Variants in DLG5 observed in about 807,000 individuals in gnomAD.
DLG5 encodes discs large MAGUK scaffold protein 5, also known as disks large homolog 5.
Under a neutral mutation model 189.8 loss-of-function variants are expected in DLG5, and 48 were observed. The ratio of observed to expected loss-of-function variants is 0.25; its 90% CI spans 0.20 to 0.32. The LOEUF (loss-of-function observed/expected upper bound fraction) is 0.32, where lower values mean the gene tolerates loss of function less well. DLG5 is among the 10% of genes least tolerant of loss of function. DLG5 has a pLI of 1.00. For missense variants in DLG5, 2,160 were observed against 2,544.7 expected (o/e 0.85, Z 3.25); for synonymous variants, 1,016 against 1,054.1 (o/e 0.96, Z 0.70).
rs1843538108 is a variant in DLG5, at chr10:77,843,626, C to T, written c.945G>A (p.Lys315=). 1 of 1,613,766 alleles carries T rather than the reference C, an allele frequency of 6.2e-7. No individual in the cohort carries two copies. The highest frequency in any genetic ancestry group is 1.7e-5 in the Admixed American group (1 of 59,898). ...TAMDKLEVVK[K]DYDALRKRYS... ...ACCTCTTCCGAAGGGCGTCATAGTC[C>T]TTCTTGACCACCTCCAACTTGTCCA... is the stretch of plus-strand genomic sequence containing the variant. The change falls in exon 6 of 32, where the codon AAG becomes AAA. Residue 315 remains lysine, a synonymous_variant. Transcript: ENST00000372391.
At chr10:77,876,910 T>G (rs1845118310) in intron 1 of DLG5, among the ~76,000 whole-genome samples, 1 of 150,376 alleles carries the variant, frequency 6.6e-6, no homozygotes, top group African/African-American at 2.5e-5. Flanking sequence ...TTAAAATAAA[T>G]AGAGACAGGG....
At chr10:77,866,589 TTTCATTTTAA>T (rs1279625572) in intron 2 of DLG5, among the ~76,000 whole-genome samples, 1 of 152,122 alleles carries the variant, frequency 6.6e-6, no homozygotes, top group Non-Finnish European at 1.5e-5. Context: ...GAAATTTAAA[TTTCATTTTAA>T]TTCATTTAAA....
chr10:77,819,562 T>C (rs566012538), intron 16 of DLG5, 97 bp from the exon 17 acceptor site: 3 of 1,456,968 alleles, frequency 2.1e-6, no homozygotes, highest in Non-Finnish European at 2.7e-6. Flanking sequence ...GCAGCCGCAG[T>C]CTTTTGGGAA....
Position 77,878,806 on chromosome 10 carries a change from G to C in DLG5, c.305-9609C>G, listed in dbSNP as rs147862765. Among the ~76,000 whole-genome samples, 6 of 152,270 alleles carry C rather than the reference G, an allele frequency of 3.9e-5. No individual in the cohort carries two copies. The East Asian group carries it at 1.2e-3, about 29-fold the overall frequency. ...CAAAGAAAAAACCAGAGCGCTCACAGTGTGCCTGGAATCATACCAGGCTTG... is the reference window on the plus strand; with the variant it reads ...CAAAGAAAAAACCAGAGCGCTCACACTGTGCCTGGAATCATACCAGGCTTG... On this transcript the variant is annotated intron_variant, in intron 1 of 31. Transcript: ENST00000372391.
chr10:77,934,966 T>A, the DLG5 span, among the ~76,000 whole-genome samples: 1 of 151,538 alleles, frequency 6.6e-6, no homozygotes, highest in Non-Finnish European at 1.5e-5. Flanking sequence ...CATGCCATTC[T>A]CCTGCCTCAG....
At position 77,926,153 on chromosome 10, in the gene DLG5, G is replaced by A; in HGVS notation, c.304+64C>T. ...GCGGCGGCCCCGGCGAGGTACCCTC[G>A]GCCAGCAGGAGGGAGAAGCGGAGGG... On this transcript the variant is annotated intron_variant, in intron 1 of 31. Coordinates refer to ENST00000372391, the MANE Select transcript of DLG5 (RefSeq NM_004747.4). This position sits in a 1 kb window ranked among gnomAD's most constrained non-coding sequence, Gnocchi z 5.2. 1 of 1,288,602 alleles carries A rather than the reference G, an allele frequency of 7.8e-7. No homozygotes were observed. Among genetic ancestry groups the A allele is most frequent in the Non-Finnish European group, 9.9e-7 (1 of 1,008,632 alleles). 79.8% of individuals were successfully genotyped at this position (1,288,602 alleles called of 1,614,324 possible). A position where few individuals can be genotyped will look rare whatever the true frequency, so the allele number is the denominator to read the frequency against.
the DLG5 span, among the ~76,000 whole-genome samples, chr10:77,939,624 C>G: frequency 6.6e-6 from 1 of 152,232 alleles, no homozygotes; most frequent in Admixed American, 6.5e-5. Context: ...CTTAAAACAA[C>G]TCCCCACAGG....
chr10:77,850,578 G>C (rs1187548215), intron 5 of DLG5, among the ~76,000 whole-genome samples: 1 of 152,118 alleles, frequency 6.6e-6, no homozygotes, highest in African/African-American at 2.4e-5. Context: ...TGTTAGCTCT[G>C]TTTAGTTTTT....
chr10:77,865,319 G>C (rs1844630858), intron 2 of DLG5, among the ~76,000 whole-genome samples: 2 of 152,116 alleles, frequency 1.3e-5, no homozygotes, highest in African/African-American at 4.8e-5. Flanking sequence ...CAGGAATGAA[G>C]GATCAGAGGT....
At chr10:77,921,153 G>C (rs1209832715) in intron 1 of DLG5, among the ~76,000 whole-genome samples, 1 of 152,192 alleles carries the variant, frequency 6.6e-6, no homozygotes, top group Non-Finnish European at 1.5e-5. Flanking sequence ...TGAGGCTGCA[G>C]TGAGCTATGA....
At position 77,926,550 on chromosome 10, in the gene DLG5, G is replaced by A. The variant is rs1846701655; in HGVS notation, c.-30C>T. ...GCGGGCCGCGCCGCCCCGCCCCGCC[G>A]GACGCCTCCCGGGCCCCCCGAGGCC... On this transcript the variant is annotated 5_prime_UTR_variant, in exon 1 of 32. Coordinates refer to ENST00000372391, the MANE Select transcript of DLG5 (RefSeq NM_004747.4). This position sits in a 1 kb window ranked among gnomAD's most constrained non-coding sequence, Gnocchi z 5.2. 2.4e-6 allele frequency: 3 copies of A among 1,236,336 alleles called. No individual in the cohort carries two copies. The highest frequency in any genetic ancestry group is 3.0e-6 in the Non-Finnish European group (3 of 992,216). The allele number at this position is 1,236,336 out of a possible 1,614,324, so 76.6% of individuals were successfully genotyped here.
At chr10:77,831,170 C>T (rs768563790) in intron 9 of DLG5, among the ~76,000 whole-genome samples, 4 of 151,982 alleles carry the variant, frequency 2.6e-5, no homozygotes, top group South Asian at 2.1e-4. Context: ...TTTGGGAGGC[C>T]GAGACAGGCA....
intron 6 of DLG5, 117 bp from the exon 7 acceptor site, chr10:77,842,310 A>G (rs552361741): frequency 2.7e-5 from 35 of 1,277,402 alleles, no homozygotes; most frequent in Admixed American, 4.9e-5. Flanking sequence ...TGAAGTTTCA[A>G]GTGAAGTCAC....
In DLG5 at chr10:77,796,133, A is replaced by G. The variant is rs1461706519; in HGVS notation, c.5364T>C (p.Phe1788=). The G allele has an allele frequency of 2.5e-6, 4 of 1,614,102 alleles. No homozygotes were observed. The African/African-American group carries it at 5.3e-5, about 22-fold the overall frequency. The change falls in exon 29 of 32, where the codon TTT becomes TTC. Residue 1788 remains phenylalanine (F), a synonymous_variant. Transcript: ENST00000372391. The surrounding 1 kb of genome is among the most constrained non-coding windows in gnomAD (Gnocchi z 5.2). ...AIERGVKDCL[F]VDYKRRSGHF... ...GGCCGCTTCTCCGCTTATAGTCGAC[A>G]AACAGGCAATCTTTGACACCCCGCT...
rs375467275 is a variant in DLG5, at chr10:77,796,424, G to C, written c.5308+27C>G. 1 of 1,614,126 alleles carries C rather than the reference G, an allele frequency of 6.2e-7. No individual in the cohort carries two copies. Among genetic ancestry groups the C allele is most frequent in the South Asian group, 1.1e-5 (1 of 91,078 alleles). On this transcript the variant is annotated intron_variant, in intron 28 of 31. Transcript: ENST00000372391. This position sits in a 1 kb window ranked among gnomAD's most constrained non-coding sequence, Gnocchi z 5.2. ...GACATAGAGACAAAGAGCCCAGTAG[G>C]CACAGAGGGTGCCCCGTGCCCCTTA...
At chr10:77,829,052 C>T in intron 12 of DLG5, 67 bp from the exon 13 acceptor site, 1 of 1,503,892 alleles carries the variant, frequency 6.6e-7, no homozygotes, top group Non-Finnish European at 9.2e-7. Flanking sequence ...CACCCTACCT[C>T]ATCTTTGTTA....
chr10:77,913,003 A>G (rs1186364368), intron 1 of DLG5, among the ~76,000 whole-genome samples: 4 of 152,252 alleles, frequency 2.6e-5, no homozygotes, highest in East Asian at 3.8e-4. Context: ...CATACTCCCC[A>G]TCAGTGCCTC....
At chr10:77,880,176 G>A (rs910849566) in intron 1 of DLG5, among the ~76,000 whole-genome samples, 1 of 152,084 alleles carries the variant, frequency 6.6e-6, no homozygotes, top group African/African-American at 2.4e-5. Context: ...GAACACAGCC[G>A]GGTGCAGTGG....
intron 2 of DLG5, chr10:77,868,352 A>G (rs1589236232): frequency 2.8e-6 from 1 of 354,534 alleles, no homozygotes; most frequent in Non-Finnish European, 5.6e-6. Flanking sequence ...ACTACGGCCC[A>G]AGCCCACCTC....
Sources: gnomAD v4.1 joint callset for allele counts (sites outside exome capture counted in the v4.1 genomes callset) on GRCh38, gnomAD v4.1.1 for gene constraint, Gnocchi (gnomAD v3.1) non-coding constraint, MANE v1.5 for transcripts, NCBI Gene and HGNC (gene_info 2026-07-23, HGNC 2026-07-21) for gene names.